The following MESD variants were observed in gnomAD, a reference collection of about 807,000 sequenced individuals.
MESD encodes LRP chaperone MESD.
Under a neutral mutation model 12.9 loss-of-function variants are expected in MESD, and 7 were observed. That is an observed-to-expected ratio of 0.54 (90% CI 0.31 to 1.02). MESD has a LOEUF of 1.02. Ranked by LOEUF, MESD falls within the 50% of genes least tolerant of loss-of-function variation. The pLI, the probability that MESD is intolerant of heterozygous loss-of-function variation, is 0.05. For missense variants in MESD, 342 were observed against 296.7 expected, an observed-to-expected ratio of 1.15 and a Z score of -1.12; for synonymous variants, 126 against 115.6, an observed-to-expected ratio of 1.09 and a Z score of -0.58.
chr15:80,989,009 A>G (rs1893223427), intron 1 of MESD, among the ~76,000 whole-genome samples: 1 of 152,250 alleles, frequency 6.6e-6, no homozygotes, highest in Non-Finnish European at 1.5e-5. Context: ...TTAGCCATTG[A>G]TACTTCTCCC....
intron 3 of MESD, among the ~76,000 whole-genome samples, chr15:80,967,492 C>T (rs73507434): frequency 0.28 from 42,887 of 151,984 alleles, 7,683 homozygotes; most frequent in African/African-American, 0.51. Context: ...GCAGGACTTG[C>T]CACCCTGTTT....
downstream of MESD, chr15:80,975,724 A>G (rs561586920): frequency 6.6e-6 from 1 of 152,346 alleles, no homozygotes; most frequent in East Asian, 1.9e-4. Flanking sequence ...AGAAGGAAAG[A>G]TGTGTATATC....
intron 2 of MESD, among the ~76,000 whole-genome samples, chr15:80,980,327 C>T (rs980191818): frequency 6.6e-6 from 1 of 152,124 alleles, no homozygotes; most frequent in African/African-American, 2.4e-5. Flanking sequence ...ATTTGCAGAC[C>T]CCAAATTTCA....
intron 1 of MESD, among the ~76,000 whole-genome samples, chr15:80,987,602 C>T (rs1902769165): frequency 2.0e-5 from 3 of 151,882 alleles, no homozygotes; most frequent in Admixed American, 2.0e-4. Context: ...GATTCTTGTG[C>T]CTCAGCCTCC....
chr15:80,968,911 G>C (rs960028403), intron 3 of MESD, among the ~76,000 whole-genome samples: 1 of 151,726 alleles, frequency 6.6e-6, no homozygotes, highest in African/African-American at 2.4e-5. Flanking sequence ...AAATGAGGTC[G>C]GGCACAGTGG....
intron 3 of MESD, chr15:80,953,105 C>CA (rs1421470411): frequency 2.2e-5 from 10 of 455,864 alleles, no homozygotes; most frequent in African/African-American, 2.0e-4. Flanking sequence ...GGGCAGCTAT[C>CA]AGAGTGTGGG....
At chr15:80,975,349 C>T (rs1450434082), downstream of MESD, among the ~76,000 whole-genome samples, 1 of 152,000 alleles carries the variant, frequency 6.6e-6, no homozygotes, top group African/African-American at 2.4e-5. Flanking sequence ...CACACCACTG[C>T]ACTCTAGCCT....
intron 3 of MESD, among the ~76,000 whole-genome samples, chr15:80,968,815 G>A (rs181720683): frequency 2.6e-5 from 4 of 152,280 alleles, no homozygotes; most frequent in Non-Finnish European, 4.4e-5. Flanking sequence ...AAAATGCAGA[G>A]CTGGGAAGTC....
At chr15:80,948,593 G>C (rs1901668511) in exon 5 of MESD, 1 of 679,658 alleles carries the variant, frequency 1.5e-6, no homozygotes, top group African/African-American at 1.8e-5. Context: ...GTGAGGCTCA[G>C]GTGAGACCCT....
intron 3 of MESD, among the ~76,000 whole-genome samples, chr15:80,958,764 A>G (rs1351854605): frequency 6.6e-6 from 1 of 152,204 alleles, no homozygotes; most frequent in Non-Finnish European, 1.5e-5. Context: ...CCTGTCTTCA[A>G]TGTGATCAGG....
chr15:80,984,795 C>T (rs1033019063), intron 1 of MESD, among the ~76,000 whole-genome samples: 2 of 152,042 alleles, frequency 1.3e-5, no homozygotes, highest in African/African-American at 2.4e-5. Context: ...CAAAAAAAAG[C>T]CCCTAAGTCA....
rs1377038591 is a variant in MESD, at chr15:80,978,865, A to C, written c.*354T>G. 9.8e-6 allele frequency: 3 copies of C among 305,280 alleles called. No individual in the cohort carries two copies. In the Admixed American group the frequency reaches 1.4e-4, roughly 14 times the overall value. The allele number at this position is 305,280 out of a possible 1,614,324, so 18.9% of individuals were successfully genotyped here. On this transcript the variant is annotated 3_prime_UTR_variant, in exon 3 of 3. Coordinates refer to ENST00000261758, the MANE Select transcript of MESD (RefSeq NM_015154.3). The stretch of plus-strand genomic sequence containing the variant: ...TGATCAGAATTTGCTATCTGATCAG[A>C]GCAGGCCACCCAATCACAGCAGGTG...
intron 4 of MESD, chr15:80,949,975 T>G (rs116222743): frequency 6.6e-6 from 1 of 152,016 alleles, no homozygotes; most frequent in South Asian, 2.1e-4. Flanking sequence ...GATGGAGAAG[T>G]GTGGTCAGAG....
chr15:80,985,639 CTTTTTTT>C (rs11425497), intron 1 of MESD, among the ~76,000 whole-genome samples: 4 of 89,050 alleles, frequency 4.5e-5, no homozygotes, highest in African/African-American at 1.9e-4. Flanking sequence ...TCCCAAGCAG[CTTTTTTT>C]TTTTTTTTTT....
At chr15:80,958,560 C>T (rs1045204564) in intron 3 of MESD, among the ~76,000 whole-genome samples, 1 of 152,088 alleles carries the variant, frequency 6.6e-6, no homozygotes, top group Non-Finnish European at 1.5e-5. Context: ...CTCGAACTCC[C>T]GAGCTCAGGT....
At chr15:80,960,924 G>GAA (rs2141790129) in intron 3 of MESD, among the ~76,000 whole-genome samples, 1 of 152,276 alleles carries the variant, frequency 6.6e-6, no homozygotes, top group African/African-American at 2.4e-5. Flanking sequence ...CAGATGGAAG[G>GAA]GAGGAAGGAA....
chr15:80,950,873 C>T (rs1049902990), intron 4 of MESD: 24 of 152,814 alleles, frequency 1.6e-4, no homozygotes, highest in African/African-American at 5.5e-4. Flanking sequence ...CAACCACAAA[C>T]TCTTTCCTTC....
At chr15:80,972,816 T>C (rs796570185), downstream of MESD, among the ~76,000 whole-genome samples, 2 of 151,790 alleles carry the variant, frequency 1.3e-5, no homozygotes, top group African/African-American at 4.8e-5. Flanking sequence ...AGGTCAGGAG[T>C]TCGAGACCAG....
At position 80,978,684 on chromosome 15, in the gene MESD, T is replaced by G. The variant is rs144431773; in HGVS notation, c.*535A>C. On this transcript the variant is annotated 3_prime_UTR_variant, in exon 3 of 3. Coordinates refer to ENST00000261758, the MANE Select transcript of MESD (RefSeq NM_015154.3). Reference sequence around the variant, plus strand: ...ATTTCAAGTGACATATTTTCTATTCTCCGCATTTCCTGCATAGATTTTGGA... The same window carrying G: ...ATTTCAAGTGACATATTTTCTATTCGCCGCATTTCCTGCATAGATTTTGGA... 6.6e-6 allele frequency: 1 copy of G among 152,668 alleles called. No individual in the cohort carries two copies. Among genetic ancestry groups the G allele is most frequent in the Non-Finnish European group, 1.5e-5 (1 of 68,294 alleles). 9.5% of individuals were successfully genotyped at this position (152,668 alleles called of 1,614,324 possible). A position where few individuals can be genotyped will look rare whatever the true frequency, so the allele number is the denominator to read the frequency against.
Sources: allele counts gnomAD v4.1 joint callset (sites outside exome capture counted in the v4.1 genomes callset), GRCh38; gene constraint gnomAD v4.1.1; transcripts MANE v1.5; gene names NCBI Gene and HGNC (gene_info 2026-07-23, HGNC 2026-07-21).